NR3C2: variants seen among roughly 807,000 people sequenced by gnomAD.
NR3C2 encodes mineralocorticoid receptor.
Under a neutral mutation model 86.4 loss-of-function variants are expected in NR3C2, and 15 were observed. That is an observed-to-expected ratio of 0.17 (90% CI 0.12 to 0.27). The LOEUF (loss-of-function observed/expected upper bound fraction) is 0.27, where lower values mean the gene tolerates loss of function less well. NR3C2 is among the 10% of genes least tolerant of loss of function. The probability of loss-of-function intolerance (pLI) is 1.00; values close to 1 mark genes in which losing one functional copy is unlikely to be tolerated. For missense variants in NR3C2, 960 were observed against 1,195.6 expected, an observed-to-expected ratio of 0.80 and a Z score of 2.91; for synonymous variants, 458 against 450.5, an observed-to-expected ratio of 1.02 and a Z score of -0.21.
At chr4:148,327,460 C>T (rs1157093902) in intron 2 of NR3C2, among the ~76,000 whole-genome samples, 3 of 152,112 alleles carry the variant, frequency 2.0e-5, no homozygotes, top group Non-Finnish European at 2.9e-5. Context: ...CTAATCGGAT[C>T]CTGGGGACAA....
chr4:148,372,216 T>C (rs1484337265), intron 2 of NR3C2, among the ~76,000 whole-genome samples: 1 of 152,192 alleles, frequency 6.6e-6, no homozygotes, highest in Admixed American at 6.5e-5. Context: ...ATTAAAAATG[T>C]TCTTTTTTGG....
Position 148,186,988 on chromosome 4 carries a change from GTATGTATGTATATATATATATATATATA to G in NR3C2, c.2014+7730_2014+7757del, listed in dbSNP as rs1318620853. ...ATAGTATTCCATCATACTGATGTGTGTATGTATGTATATATATATATATATATATATATATATATATATATATATATAT... is the reference window on the plus strand; with the variant it reads ...ATAGTATTCCATCATACTGATGTGTGTATATATATATATATATATATATAT... On this transcript the variant is annotated intron_variant, in intron 4 of 8. Transcript: ENST00000358102. Among the ~76,000 whole-genome samples, 35 of 13,694 alleles carry G rather than the reference GTATGTATGTATATATATATATATATATA, an allele frequency of 2.6e-3. 2 individuals are homozygous for G. The highest frequency in any genetic ancestry group is 0.022 in the African/African-American group (26 of 1,160). The allele number at this position is 13,694 out of a possible 152,430, so 9.0% of individuals were successfully genotyped here. A position where few individuals can be genotyped will look rare whatever the true frequency, so the allele number is the denominator to read the frequency against.
At chr4:148,125,470 A>C (rs752074417) in intron 6 of NR3C2, among the ~76,000 whole-genome samples, 2 of 152,208 alleles carry the variant, frequency 1.3e-5, no homozygotes, top group African/African-American at 4.8e-5. Context: ...TCTGTATTCA[A>C]TAGTCAGTGG....
chr4:148,399,098 C>T (rs921147597), intron 2 of NR3C2, among the ~76,000 whole-genome samples: 3 of 152,184 alleles, frequency 2.0e-5, no homozygotes, highest in African/African-American at 7.2e-5. Flanking sequence ...CACCATTCTG[C>T]CCAACTTAAA....
chr4:148,299,281 A>G (rs1015925665), intron 2 of NR3C2, among the ~76,000 whole-genome samples: 3 of 152,182 alleles, frequency 2.0e-5, no homozygotes, highest in African/African-American at 7.2e-5. Context: ...AGTAAAATGC[A>G]GAACAAAAAA....
intron 2 of NR3C2, among the ~76,000 whole-genome samples, chr4:148,291,201 CT>C (rs1336681920): frequency 3.3e-5 from 5 of 152,038 alleles, no homozygotes; most frequent in African/African-American, 1.2e-4. Context: ...CATTTCCCTC[CT>C]CCTAATTACA....
chr4:148,359,782 G>A (rs1745747914), intron 2 of NR3C2, among the ~76,000 whole-genome samples: 1 of 152,112 alleles, frequency 6.6e-6, no homozygotes, highest in Non-Finnish European at 1.5e-5. Context: ...ATTTCAAGAG[G>A]CTCACAGAAA....
chr4:148,229,086 C>A (rs186045858), intron 3 of NR3C2, among the ~76,000 whole-genome samples: 2 of 152,306 alleles, frequency 1.3e-5, no homozygotes, highest in East Asian at 3.9e-4. Flanking sequence ...ACCATCTCCA[C>A]AGCCTTTTGC....
At chr4:148,278,112 G>C (rs112306550) in intron 2 of NR3C2, among the ~76,000 whole-genome samples, 12 of 39,604 alleles carry the variant, frequency 3.0e-4, no homozygotes, top group Admixed American at 2.3e-3. Flanking sequence ...TTGTTTGTTT[G>C]TTTGTTTGAG....
intron 2 of NR3C2, among the ~76,000 whole-genome samples, chr4:148,336,627 G>T (rs948675211): frequency 2.6e-5 from 4 of 152,102 alleles, no homozygotes; most frequent in Admixed American, 2.0e-4. Context: ...AGCTACAGCT[G>T]AGAAATTGAA....
Position 148,079,737 on chromosome 4 carries a change from C to A in NR3C2, c.*1607G>T, listed in dbSNP as rs946390284. On this transcript the variant is annotated 3_prime_UTR_variant, in exon 9 of 9. Coordinates refer to ENST00000358102, the MANE Select transcript of NR3C2 (RefSeq NM_000901.5). Reference sequence around the variant, plus strand: ...CTTGCTTATATGATCTGTAATTTTTCTCCAAAACTGTTTATGTATAAAACT... The same window carrying A: ...CTTGCTTATATGATCTGTAATTTTTATCCAAAACTGTTTATGTATAAAACT... The A allele has an allele frequency of 6.6e-6, 1 of 152,560 alleles. No individual in the cohort carries two copies. Among genetic ancestry groups the A allele is most frequent in the African/African-American group, 2.4e-5 (1 of 41,438 alleles). 9.5% of individuals were successfully genotyped at this position (152,560 alleles called of 1,614,324 possible). A position where few individuals can be genotyped will look rare whatever the true frequency, so the allele number is the denominator to read the frequency against.
At chr4:148,408,725 G>GA (rs1453961663) in intron 2 of NR3C2, among the ~76,000 whole-genome samples, 3 of 151,984 alleles carry the variant, frequency 2.0e-5, no homozygotes, top group Non-Finnish European at 2.9e-5. Context: ...AAAGTGTTAA[G>GA]AAAAAATGAA....
chr4:148,149,549 G>A (rs1180498007), intron 6 of NR3C2, among the ~76,000 whole-genome samples: 1 of 152,138 alleles, frequency 6.6e-6, no homozygotes, highest in Non-Finnish European at 1.5e-5. Flanking sequence ...AACAAAAGAA[G>A]AGATTTTGAC....
rs535397343 is a variant in NR3C2 at position 148,079,825 on chromosome 4, C to G, written c.*1519G>C. 6.6e-6 allele frequency: 1 copy of G among 152,622 alleles called. No homozygotes were observed. The highest frequency in any genetic ancestry group is 1.5e-5 in the Non-Finnish European group (1 of 68,054). The allele number at this position is 152,622 out of a possible 1,614,324, so 9.5% of individuals were successfully genotyped here. ...TCTATCTCCCGGTCTCCATGCCATTCAGACTGAACCTTGCCAAGATGGGCC... is the reference window on the plus strand; with the variant it reads ...TCTATCTCCCGGTCTCCATGCCATTGAGACTGAACCTTGCCAAGATGGGCC... On this transcript the variant is annotated 3_prime_UTR_variant, in exon 9 of 9. Transcript: ENST00000358102.
intron 3 of NR3C2, among the ~76,000 whole-genome samples, chr4:148,240,970 A>G (rs1349195363): frequency 6.6e-6 from 1 of 152,074 alleles, no homozygotes; most frequent in African/African-American, 2.4e-5. Context: ...ACTATAAAGG[A>G]TGAAAATCAT....
At chr4:148,142,780 G>A (rs890243850) in intron 6 of NR3C2, among the ~76,000 whole-genome samples, 6 of 152,294 alleles carry the variant, frequency 3.9e-5, no homozygotes, top group South Asian at 2.1e-4. Context: ...TATTACAGGC[G>A]TGAGCCACCA....
chr4:148,160,646 T>C (rs1734613779), intron 4 of NR3C2, among the ~76,000 whole-genome samples: 1 of 152,186 alleles, frequency 6.6e-6, no homozygotes, highest in Non-Finnish European at 1.5e-5. Context: ...AAATGCTTCA[T>C]GCCATGTCTC....
intron 3 of NR3C2, among the ~76,000 whole-genome samples, chr4:148,226,859 T>C (rs4579099): frequency 0.93 from 140,909 of 152,204 alleles, 66,157 homozygotes; most frequent in East Asian, 1. Flanking sequence ...ATTTTTAAAA[T>C]GTGCTTATTG....
At chr4:148,263,739 C>A (rs1740242409) in intron 2 of NR3C2, among the ~76,000 whole-genome samples, 1 of 152,188 alleles carries the variant, frequency 6.6e-6, no homozygotes, top group Non-Finnish European at 1.5e-5. Context: ...CCACCATTTA[C>A]AGGACCTAGC....
Sources: gnomAD v4.1 joint callset for allele counts (sites outside exome capture counted in the v4.1 genomes callset) on GRCh38, gnomAD v4.1.1 for gene constraint, MANE v1.5 for transcripts, NCBI Gene and HGNC (gene_info 2026-07-23, HGNC 2026-07-21) for gene names.